Variants in AHCYL2 observed in about 807,000 individuals in gnomAD.
AHCYL2 encodes adenosylhomocysteinase like 2.
AHCYL2 carries 28 observed loss-of-function variants against 81.4 expected under a neutral mutation model. The ratio of observed to expected loss-of-function variants is 0.34; its 90% CI spans 0.25 to 0.47. The LOEUF (loss-of-function observed/expected upper bound fraction) is 0.47, where lower values mean the gene tolerates loss of function less well. AHCYL2 is among the 20% of genes least tolerant of loss of function. The probability of loss-of-function intolerance (pLI) is 1.00; values close to 1 mark genes in which losing one functional copy is unlikely to be tolerated. For missense variants in AHCYL2, 551 were observed against 785.1 expected, an observed-to-expected ratio of 0.70 and a Z score of 3.56; for synonymous variants, 272 against 290.2, an observed-to-expected ratio of 0.94 and a Z score of 0.64.
At chr7:129,372,264 C>T (rs1794446881) in intron 1 of AHCYL2, among the ~76,000 whole-genome samples, 1 of 152,144 alleles carries the variant, frequency 6.6e-6, no homozygotes, top group African/African-American at 2.4e-5. Flanking sequence ...ATGATTATCC[C>T]TATTTTAGAA....
intron 1 of AHCYL2, among the ~76,000 whole-genome samples, chr7:129,346,853 T>A (rs1793379592): frequency 6.6e-6 from 1 of 152,212 alleles, no homozygotes; most frequent in African/African-American, 2.4e-5. Context: ...GCAGCTTTAT[T>A]TATAATTGCC....
At position 129,298,068 on chromosome 7, in the gene AHCYL2, T is replaced by C. The variant is rs150379238; in HGVS notation, c.363+72629T>C. 9.2e-5 allele frequency among the ~76,000 whole-genome samples: 14 copies of C among 152,268 alleles called. No homozygotes were observed. The East Asian group carries it at 2.7e-3, about 29-fold the overall frequency. On this transcript the variant is annotated intron_variant, in intron 1 of 16. Coordinates refer to ENST00000325006, the MANE Select transcript of AHCYL2 (RefSeq NM_015328.4). ...TACCTGCTGAAATAGTCATTCCCAG[T>C]TTATATAATCAGATAGCTAGAGGGT...
At chr7:129,233,085 C>A (rs1017131757) in intron 1 of AHCYL2, among the ~76,000 whole-genome samples, 5 of 152,172 alleles carry the variant, frequency 3.3e-5, no homozygotes, top group African/African-American at 1.2e-4. Context: ...AATTTATAAT[C>A]ATCTATTTCA....
At chr7:129,240,278 A>T (rs1404814089) in intron 1 of AHCYL2, among the ~76,000 whole-genome samples, 1 of 151,844 alleles carries the variant, frequency 6.6e-6, no homozygotes, top group Non-Finnish European at 1.5e-5. Flanking sequence ...GGTTACAGAG[A>T]CACCCCACAC....
At chr7:129,415,149 T>C (rs1282711658) in intron 12 of AHCYL2, among the ~76,000 whole-genome samples, 1 of 152,240 alleles carries the variant, frequency 6.6e-6, no homozygotes, top group Non-Finnish European at 1.5e-5. Flanking sequence ...GTTTCATTTA[T>C]GTGCTATACT....
chr7:129,286,964 AAAT>A (rs1040549449), intron 1 of AHCYL2, among the ~76,000 whole-genome samples: 4 of 152,152 alleles, frequency 2.6e-5, no homozygotes, highest in African/African-American at 9.6e-5. Flanking sequence ...AATAAATTGA[AAAT>A]AATAATCCCA....
intron 1 of AHCYL2, among the ~76,000 whole-genome samples, chr7:129,370,672 T>C (rs1311410157): frequency 2.6e-5 from 4 of 152,212 alleles, no homozygotes; most frequent in African/African-American, 4.8e-5. Context: ...CACTCCAGCC[T>C]GGGCGACAGG....
chr7:129,410,464 T>C (rs1796513821), intron 11 of AHCYL2: 4 of 1,228,434 alleles, frequency 3.3e-6, no homozygotes, highest in Middle Eastern at 2.5e-4. Flanking sequence ...GTGTACGTCA[T>C]TCATTAAACA....
chr7:129,268,749 A>C (rs1053022871), intron 1 of AHCYL2, among the ~76,000 whole-genome samples: 1 of 152,202 alleles, frequency 6.6e-6, no homozygotes, highest in African/African-American at 2.4e-5. Flanking sequence ...TGGTGGGCTG[A>C]ATTTCTCTTT....
chr7:129,391,291 C>T (rs183249354), intron 4 of AHCYL2, among the ~76,000 whole-genome samples: 3 of 152,248 alleles, frequency 2.0e-5, no homozygotes, highest in African/African-American at 7.2e-5. Context: ...CTGTTACATT[C>T]CTGGAAAAAC....
intron 2 of AHCYL2, among the ~76,000 whole-genome samples, chr7:129,384,133 T>A (rs1795093377): frequency 6.6e-6 from 1 of 151,904 alleles, no homozygotes; most frequent in Non-Finnish European, 1.5e-5. Context: ...AAAAATTAAT[T>A]CATTAAAAGT....
At chr7:129,300,728 C>T (rs567262484) in intron 1 of AHCYL2, among the ~76,000 whole-genome samples, 1 of 152,260 alleles carries the variant, frequency 6.6e-6, no homozygotes, top group Non-Finnish European at 1.5e-5. Context: ...CTAAATTGTT[C>T]TTCATAGTGT....
At chr7:129,244,182 T>C (rs1055207241) in intron 1 of AHCYL2, among the ~76,000 whole-genome samples, 2 of 151,364 alleles carry the variant, frequency 1.3e-5, no homozygotes. Flanking sequence ...TTTTTTTTTT[T>C]CTGTAGATAC....
intron 1 of AHCYL2, chr7:129,377,429 A>G (rs2092679132): frequency 2.5e-6 from 1 of 403,326 alleles, no homozygotes; most frequent in Admixed American, 2.6e-5. Context: ...ATTTGTTGTT[A>G]TAGCTATGAA....
chr7:129,405,514 A>G, intron 8 of AHCYL2: 1 of 349,126 alleles, frequency 2.9e-6, no homozygotes, highest in Admixed American at 4.5e-5. Flanking sequence ...AGAAAGGGGA[A>G]AAAAAAAGGA....
chr7:129,226,280 A>G (rs1794213061), intron 1 of AHCYL2, among the ~76,000 whole-genome samples: 1 of 152,186 alleles, frequency 6.6e-6, no homozygotes, highest in Non-Finnish European at 1.5e-5. Context: ...CCAAGAAGTA[A>G]CTGCCTAGGT....
chr7:129,289,278 G>C (rs1354160484), intron 1 of AHCYL2, among the ~76,000 whole-genome samples: 2 of 152,148 alleles, frequency 1.3e-5, no homozygotes, highest in African/African-American at 4.8e-5. Flanking sequence ...TTTTTGTAGA[G>C]ATGGGATCTC....
chr7:129,318,500 A>G (rs1797901694), intron 1 of AHCYL2, among the ~76,000 whole-genome samples: 1 of 152,260 alleles, frequency 6.6e-6, no homozygotes, highest in Admixed American at 6.5e-5. Context: ...GTAATATAAG[A>G]TAAAGGTGGC....
At chr7:129,399,562 T>C (rs188683675) in intron 5 of AHCYL2, among the ~76,000 whole-genome samples, 97 of 152,258 alleles carry the variant, frequency 6.4e-4, no homozygotes, top group Non-Finnish European at 1.3e-4. Context: ...AGTAACGTTT[T>C]AGCAAGTGGA....
Sources: gnomAD v4.1 joint callset for allele counts (sites outside exome capture counted in the v4.1 genomes callset) on GRCh38, gnomAD v4.1.1 for gene constraint, MANE v1.5 for transcripts, NCBI Gene and HGNC (gene_info 2026-07-23, HGNC 2026-07-21) for gene names.